Variants in SLC25A21 observed in about 807,000 individuals in gnomAD.
SLC25A21 encodes mitochondrial 2-oxodicarboxylate carrier.
SLC25A21 carries 47 observed loss-of-function variants against 43.8 expected under a neutral mutation model. That is an observed-to-expected ratio of 1.07 (90% confidence interval 0.85 to 1.37). SLC25A21 has a LOEUF of 1.37. Ranked by LOEUF, SLC25A21 falls within the 40% of genes most tolerant of loss-of-function variation. SLC25A21 has a pLI of 0.00. For synonymous variants in SLC25A21, 131 were observed against 121.3 expected, an observed-to-expected ratio of 1.08 and a Z score of -0.52; for missense variants, 352 against 350.2, an observed-to-expected ratio of 1.00 and a Z score of -0.04.
intron 1 of SLC25A21, among the ~76,000 whole-genome samples, chr14:36,894,969 G>T (rs11524087): frequency 2.6e-5 from 4 of 152,068 alleles, no homozygotes; most frequent in Non-Finnish European, 5.9e-5. Context: ...TTTTTGCATC[G>T]ATGTTCATCA....
chr14:36,867,797 G>A lies in SLC25A21; in HGVS notation c.119+7159C>T, dbSNP rs1484400634. Among the ~76,000 whole-genome samples the A allele has an allele frequency of 7.4e-5, 11 of 149,544 alleles. No individual in the cohort carries two copies. In the South Asian group the frequency reaches 2.3e-3, roughly 31 times the overall value. The stretch of plus-strand genomic sequence containing the variant: ...GATTAAACACCATGCTTTCGTGTGT[G>A]TGTGTGTGTGTGTGTGTGTGTGTGT... On this transcript the variant is annotated intron_variant, in intron 2 of 9. Transcript: ENST00000331299.
intron 1 of SLC25A21, among the ~76,000 whole-genome samples, chr14:36,912,232 C>G (rs1891705926): frequency 6.6e-6 from 1 of 152,190 alleles, no homozygotes; most frequent in South Asian, 2.1e-4. Context: ...AAATAGTTAG[C>G]AGTTACTGCA....
intron 6 of SLC25A21, among the ~76,000 whole-genome samples, chr14:36,720,794 T>G (rs1333362339): frequency 6.6e-6 from 1 of 152,200 alleles, no homozygotes; most frequent in African/African-American, 2.4e-5. Flanking sequence ...TGCTAGTTAT[T>G]TACAGTAAAC....
At chr14:36,918,568 C>A (rs1295337686) in intron 1 of SLC25A21, among the ~76,000 whole-genome samples, 1 of 151,924 alleles carries the variant, frequency 6.6e-6, no homozygotes, top group Admixed American at 6.6e-5. Flanking sequence ...ATGAGAAAGC[C>A]CAACACAGAG....
chr14:37,023,922 T>C (rs748399935), intron 1 of SLC25A21, among the ~76,000 whole-genome samples: 6 of 152,008 alleles, frequency 3.9e-5, no homozygotes, highest in Non-Finnish European at 7.4e-5. Flanking sequence ...TTACTCACCT[T>C]TGAATTTCAA....
intron 2 of SLC25A21, among the ~76,000 whole-genome samples, chr14:36,844,099 C>G (rs1889470544): frequency 6.6e-6 from 1 of 152,180 alleles, no homozygotes; most frequent in Admixed American, 6.5e-5. Flanking sequence ...CGAAGCCAGC[C>G]TGTCTCAGTT....
chr14:36,779,783 T>A (rs1886984945), intron 3 of SLC25A21, among the ~76,000 whole-genome samples: 1 of 151,668 alleles, frequency 6.6e-6, no homozygotes, highest in Middle Eastern at 3.4e-3. Context: ...CTCTTTGAGA[T>A]ACTGAGTTCC....
At chr14:37,030,259 G>C (rs1961182911) in intron 1 of SLC25A21, among the ~76,000 whole-genome samples, 1 of 152,124 alleles carries the variant, frequency 6.6e-6, no homozygotes, top group Non-Finnish European at 1.5e-5. Flanking sequence ...TGAATAGACT[G>C]AGGAGGAAGA....
At chr14:37,146,963 T>G (rs948199452) in intron 1 of SLC25A21, among the ~76,000 whole-genome samples, 2 of 152,214 alleles carry the variant, frequency 1.3e-5, no homozygotes, top group African/African-American at 4.8e-5. Flanking sequence ...TTCTCCAACC[T>G]TAATGCCTCC....
chr14:36,843,216 G>T (rs769969758), intron 2 of SLC25A21, among the ~76,000 whole-genome samples: 3 of 152,198 alleles, frequency 2.0e-5, no homozygotes, highest in Non-Finnish European at 4.4e-5. Context: ...GGGGACAGAT[G>T]CATGAGATTC....
rs559389856 is a variant in SLC25A21 at position 37,000,695 on chromosome 14, G to A, written c.71-125691C>T. ...CCCCACATGTCAGGGGAGGGACCTG[G>A]TGCGAGGTGATTGGATCATGTGAGT... On this transcript the variant is annotated intron_variant, in intron 1 of 9. Transcript: ENST00000331299. Among the ~76,000 whole-genome samples the A allele has an allele frequency of 1.7e-4, 26 of 152,268 alleles. No individual in the cohort carries two copies. The South Asian group carries it at 4.1e-3, about 24-fold the overall frequency.
In SLC25A21 at chr14:36,720,842, T is replaced by C. The variant is rs535756416; in HGVS notation, c.438+4728A>G. ...ACTGCTATTTATGATAATGGGCCCT[T>C]ATCTGAGTTTAAAGACCTTATCAAC... On this transcript the variant is annotated intron_variant, in intron 6 of 9. Coordinates refer to ENST00000331299, the MANE Select transcript of SLC25A21 (RefSeq NM_030631.4). Among the ~76,000 whole-genome samples, 44 of 152,326 alleles carry C rather than the reference T, an allele frequency of 2.9e-4. No individual in the cohort carries two copies. The South Asian group carries it at 8.9e-3, about 31-fold the overall frequency.
intron 1 of SLC25A21, among the ~76,000 whole-genome samples, chr14:37,083,921 T>C (rs1045120567): frequency 2.6e-5 from 4 of 152,244 alleles, no homozygotes; most frequent in Admixed American, 2.6e-4. Context: ...ATTTAATAAA[T>C]GCATTTAGCC....
chr14:36,888,854 T>C (rs1177574490), intron 1 of SLC25A21, among the ~76,000 whole-genome samples: 5 of 152,184 alleles, frequency 3.3e-5, no homozygotes, highest in Admixed American at 6.5e-5. Flanking sequence ...GAAATTGTAA[T>C]GCTTTTTCCC....
intron 1 of SLC25A21, among the ~76,000 whole-genome samples, chr14:36,894,841 T>G (rs1891190210): frequency 6.6e-6 from 1 of 152,204 alleles, no homozygotes; most frequent in Admixed American, 6.5e-5. Context: ...CTGGATTACG[T>G]TTATTGATTT....
chr14:36,993,993 T>C (rs947110778), intron 1 of SLC25A21, among the ~76,000 whole-genome samples: 1 of 152,206 alleles, frequency 6.6e-6, no homozygotes, highest in Non-Finnish European at 1.5e-5. Context: ...AGCATTTTTT[T>C]TCATATACAC....
intron 1 of SLC25A21, among the ~76,000 whole-genome samples, chr14:36,945,815 G>T (rs1271575128): frequency 6.6e-6 from 1 of 152,118 alleles, no homozygotes; most frequent in African/African-American, 2.4e-5. Context: ...GCAATAATGT[G>T]AATGTACTTA....
chr14:36,743,418 G>A (rs1885355510), intron 3 of SLC25A21, among the ~76,000 whole-genome samples: 1 of 148,490 alleles, frequency 6.7e-6, no homozygotes, highest in South Asian at 2.2e-4. Context: ...GTGGCACTAT[G>A]AGGAAAAGGA....
rs1402961506 is a variant in SLC25A21 at position 36,700,845 on chromosome 14, C to G, written c.603+10473G>C. Among the ~76,000 whole-genome samples, 8 of 152,256 alleles carry G rather than the reference C, an allele frequency of 5.3e-5. No individual in the cohort carries two copies. The East Asian group carries it at 1.5e-3, about 29-fold the overall frequency. Reference sequence around the variant, plus strand: ...GCAGATACACACACTGGTTAAGCACCTGGTAGCAACCGCAAGGCAAATAAT... The same window carrying G: ...GCAGATACACACACTGGTTAAGCACGTGGTAGCAACCGCAAGGCAAATAAT... On this transcript the variant is annotated intron_variant, in intron 7 of 9. Coordinates refer to ENST00000331299, the MANE Select transcript of SLC25A21 (RefSeq NM_030631.4).
Sources: gnomAD v4.1 joint callset for allele counts (sites outside exome capture counted in the v4.1 genomes callset) on GRCh38, gnomAD v4.1.1 for gene constraint, MANE v1.5 for transcripts, NCBI Gene and HGNC (gene_info 2026-07-23, HGNC 2026-07-21) for gene names.